Variants in PTRH2 observed in about 807,000 individuals in gnomAD.
PTRH2 encodes the protein peptidyl-tRNA hydrolase 2, mitochondrial.
PTRH2 carries 10 observed loss-of-function variants against 12.3 expected under a neutral mutation model. The observed-to-expected ratio is 0.81, with a 90% CI of 0.50 to 1.38. PTRH2 has a LOEUF of 1.38. PTRH2 is among the 40% of genes most tolerant of loss of function. PTRH2 has a pLI of 0.00. For synonymous variants in PTRH2, 73 were observed against 77.4 expected (o/e 0.94, Z 0.30); for missense variants, 176 against 214.1 (o/e 0.82, Z 1.11).
In PTRH2 at chr17:59,704,849, C is replaced by T. The variant is rs556785654; in HGVS notation, c.-1+2522G>A. On this transcript the variant is annotated intron_variant, in intron 1 of 1. Coordinates refer to ENST00000393038, the MANE Select transcript of PTRH2 (RefSeq NM_016077.5). The stretch of plus-strand genomic sequence containing the variant: ...TGTCACCCAGGCTGGAGTGCAGTGG[C>T]GCCATCTCAGCTCACTGCAACCTCT... Among the ~76,000 whole-genome samples the T allele has an allele frequency of 1.7e-4, 26 of 152,160 alleles. No individual in the cohort carries two copies. In the South Asian group the frequency reaches 5.0e-3, roughly 29 times the overall value.
At chr17:59,707,281 T>C (rs933975786) in intron 1 of PTRH2, 90 bp downstream of exon 1, 2 of 152,622 alleles carry the variant, frequency 1.3e-5, no homozygotes, top group Admixed American at 6.6e-5. Context: ...AGGTGGGTAA[T>C]GCAACGAGGT....
chr17:59,706,377 A>ACTATGTGGCCCC (rs2033659153), intron 1 of PTRH2, among the ~76,000 whole-genome samples: 1 of 152,124 alleles, frequency 6.6e-6, no homozygotes. Flanking sequence ...ACAGGGTCTC[A>ACTATGTGGCCCC]CTATGTGGCC....
At chr17:59,703,225 T>C (rs1443867677) in intron 1 of PTRH2, among the ~76,000 whole-genome samples, 1 of 152,082 alleles carries the variant, frequency 6.6e-6, no homozygotes, top group Non-Finnish European at 1.5e-5. Flanking sequence ...GGTTTCATTA[T>C]GTTGCCCAGG....
intron 1 of PTRH2, chr17:59,698,858 T>TA: frequency 1.4e-6 from 1 of 716,178 alleles, no homozygotes; most frequent in Non-Finnish European, 2.6e-6. Flanking sequence ...ACAATGGTTG[T>TA]ATGGGTACTC....
chr17:59,697,813 C>T lies in PTRH2; in HGVS notation c.166G>A (p.Ala56Thr). Residue 56 changes from alanine to threonine, a missense_variant, in exon 2 of 2, where the codon GCA (alanine) becomes ACA (threonine). Physicochemically the swap from Ala to Thr is moderately conservative, Grantham distance 58. Coordinates refer to ENST00000393038, the MANE Select transcript of PTRH2 (RefSeq NM_016077.5). The part of the protein sequence containing the change: ...SKTHTDTESE[A>T]SILGDSGEYK... The stretch of plus-strand genomic sequence containing the variant: ...TCCCCGCTGTCTCCCAAGATGCTTG[C>T]TTCACTTTCAGTATCTGTGTGTGTC... The T allele has an allele frequency of 6.2e-7, 1 of 1,614,216 alleles. No homozygotes were observed. Among genetic ancestry groups the T allele is most frequent in the Non-Finnish European group, 8.5e-7 (1 of 1,180,040 alleles).
chr17:59,700,433 G>A (rs1180366123), intron 1 of PTRH2: 1 of 152,170 alleles, frequency 6.6e-6, no homozygotes, highest in Non-Finnish European at 1.5e-5. Flanking sequence ...GTAATGTAAA[G>A]TGGTGCCCTT....
rs761360230 is a variant in PTRH2, at chr17:59,697,942, G to A, written c.37C>T (p.His13Tyr). Reference sequence around the variant, plus strand: ...ACAGCCAAGCCGAGTGTACTGGGATGAGCCAAATATTCCATAACCAAGGAT... The same window carrying A: ...ACAGCCAAGCCGAGTGTACTGGGATAAGCCAAATATTCCATAACCAAGGAT... ...SKSLVMEYLA[H>Y]PSTLGLAVGV... is the part of the protein sequence containing the mutation. Residue 13 changes from histidine to tyrosine, a missense_variant, in exon 2 of 2, where the codon CAT becomes TAT. Physicochemically the swap from His to Tyr is moderately conservative, Grantham distance 83. Transcript: ENST00000393038. 3 of 1,613,630 alleles carry A rather than the reference G, an allele frequency of 1.9e-6. No homozygotes were observed. The highest frequency in any genetic ancestry group is 1.3e-5 in the African/African-American group (1 of 74,924).
chr17:59,706,654 A>T (rs1455402190), intron 1 of PTRH2, among the ~76,000 whole-genome samples: 1 of 140,114 alleles, frequency 7.1e-6, no homozygotes, highest in Non-Finnish European at 1.5e-5. Flanking sequence ...TTGTGTGAAA[A>T]AGGGGGGAAA....
In PTRH2 at chr17:59,697,359, A is replaced by C; in HGVS notation, c.*80T>G. The C allele has an allele frequency of 6.9e-7, 1 of 1,442,120 alleles. No individual in the cohort carries two copies. The highest frequency in any genetic ancestry group is 9.4e-7 in the Non-Finnish European group (1 of 1,065,848). 89.3% of individuals were successfully genotyped at this position (1,442,120 alleles called of 1,614,324 possible). Reference sequence around the variant, plus strand: ...TCTCAAGAACATTTAAGTTGGGTGAAGAAATTCAGCTTTTGTTGTTAGAAT... The same window carrying C: ...TCTCAAGAACATTTAAGTTGGGTGACGAAATTCAGCTTTTGTTGTTAGAAT... On this transcript the variant is annotated 3_prime_UTR_variant, in exon 2 of 2. Transcript: ENST00000393038.
chr17:59,698,850 A>C, intron 1 of PTRH2: 2 of 715,376 alleles, frequency 2.8e-6, no homozygotes, highest in Non-Finnish European at 5.2e-6. Context: ...AGTGGAAAAC[A>C]ATGGTTGTAT....
intron 1 of PTRH2, chr17:59,698,325 T>G: frequency 3.4e-6 from 1 of 295,678 alleles, no homozygotes; most frequent in Non-Finnish European, 6.4e-6. Flanking sequence ...AAATAACCCT[T>G]TCCTGGAATA....
intron 1 of PTRH2, among the ~76,000 whole-genome samples, chr17:59,706,878 G>A (rs1196683373): frequency 1.3e-5 from 2 of 151,940 alleles, no homozygotes; most frequent in African/African-American, 4.8e-5. Flanking sequence ...TCGCCATGTT[G>A]GCCAGGATGG....
rs200433515 is a variant in PTRH2, at chr17:59,697,689, A to G, written c.290T>C (p.Ile97Thr). 1.9e-6 allele frequency: 3 copies of G among 1,614,132 alleles called. No homozygotes were observed. Among genetic ancestry groups the G allele is most frequent in the Non-Finnish European group, 2.5e-6 (3 of 1,180,028 alleles). Residue 97 changes from isoleucine (I) to threonine (T), a missense_variant, in exon 2 of 2, where the codon ATT becomes ACT. By Grantham distance (89) the Ile-to-Thr change is moderately conservative. Transcript: ENST00000393038. ...GAGCATTTCAGGATTTCTTCTTTGA[A>G]TCTGCTTGTAGGCTGAAACAGCAGC... ...SHAAVSAYKQIQRRNPEMLKQ... is the reference protein window; with the variant it reads ...SHAAVSAYKQTQRRNPEMLKQ...
chr17:59,704,189 G>A (rs1461731673), intron 1 of PTRH2, among the ~76,000 whole-genome samples: 2 of 152,136 alleles, frequency 1.3e-5, no homozygotes, highest in Non-Finnish European at 2.9e-5. Flanking sequence ...AACAGTAGTG[G>A]GAATGAGAAA....
chr17:59,698,458 T>C, intron 1 of PTRH2: 1 of 217,798 alleles, frequency 4.6e-6, no homozygotes, highest in Non-Finnish European at 9.2e-6. Flanking sequence ...TACTGAAATT[T>C]ACTAAGCCTG....
intron 1 of PTRH2, among the ~76,000 whole-genome samples, chr17:59,704,394 G>A (rs1293184184): frequency 3.3e-5 from 5 of 151,598 alleles, no homozygotes; most frequent in African/African-American, 1.2e-4. Context: ...TATCTAGAAA[G>A]AAGAAAAAAA....
At position 59,697,522 on chromosome 17, in the gene PTRH2, G is replaced by A. The variant is rs748023305; in HGVS notation, c.457C>T (p.Pro153Ser). The change falls in exon 2 of 2, where the codon CCA becomes TCA. Residue 153 changes from proline to serine, a missense_variant. Coordinates refer to ENST00000393038, the MANE Select transcript of PTRH2 (RefSeq NM_016077.5). ...IQDAGRTQIA[P>S]GSQTVLGIGP... is the part of the protein sequence containing the mutation. ...ATCCCTAGGACAGTTTGAGAGCCTG[G>A]TGCAATCTGAGTACGTCCAGCATCT... is the stretch of plus-strand genomic sequence containing the variant. The A allele has an allele frequency of 2.5e-6, 4 of 1,614,150 alleles. No homozygotes were observed. Among genetic ancestry groups the A allele is most frequent in the Admixed American group, 1.7e-5 (1 of 60,026 alleles).
Position 59,697,355 on chromosome 17 carries a change from G to A in PTRH2, c.*84C>T. ...TTCATCTCAAGAACATTTAAGTTGG[G>A]TGAAGAAATTCAGCTTTTGTTGTTA... On this transcript the variant is annotated 3_prime_UTR_variant, in exon 2 of 2. Transcript: ENST00000393038. 1.4e-6 allele frequency: 2 copies of A among 1,417,846 alleles called. No individual in the cohort carries two copies. The highest frequency in any genetic ancestry group is 2.8e-5 in the South Asian group (2 of 72,222). 87.8% of individuals were successfully genotyped at this position (1,417,846 alleles called of 1,614,324 possible).
At chr17:59,703,423 G>A (rs146045387) in intron 1 of PTRH2, among the ~76,000 whole-genome samples, 76 of 152,126 alleles carry the variant, frequency 5.0e-4, no homozygotes, top group African/African-American at 1.7e-3. Flanking sequence ...CCCATTTTTC[G>A]GATGTAGAAA....
Sources: gnomAD v4.1 joint callset for allele counts (sites outside exome capture counted in the v4.1 genomes callset) on GRCh38, gnomAD v4.1.1 for gene constraint, MANE v1.5 for transcripts, NCBI Gene and HGNC (gene_info 2026-07-23, HGNC 2026-07-21) for gene names.